Variants in GNAI2 observed in about 807,000 individuals in gnomAD.
GNAI2 encodes G protein subunit alpha i2.
In GNAI2, 4 loss-of-function variants were observed where a neutral mutation model predicts 36.8. The ratio of observed to expected loss-of-function variants is 0.11; its 90% CI spans 0.05 to 0.25. The LOEUF is 0.25. Ranked by LOEUF, GNAI2 falls within the 10% of genes least tolerant of loss-of-function variation. The pLI is 1.00. For synonymous variants in GNAI2, 194 were observed against 194.1 expected, an observed-to-expected ratio of 1.00 and a Z score of 0.01; for missense variants, 230 against 481.3, an observed-to-expected ratio of 0.48 and a Z score of 4.89.
At chr3:50,236,050 C>A (rs1183510413), upstream of GNAI2, 2 of 376,316 alleles carry the variant, frequency 5.3e-6, no homozygotes. This position sits in a 1 kb window ranked among gnomAD's most constrained non-coding sequence, Gnocchi z 4.0. Context: ...CTAACTTCCC[C>A]CTTCGCTCCG....
chr3:50,257,453 C>A, intron 7 of GNAI2, 47 bp from the exon 8 acceptor site: 1 of 1,362,388 alleles, frequency 7.3e-7, no homozygotes, highest in Non-Finnish European at 1.0e-6. Flanking sequence ...TAGGATGCGG[C>A]CTGCCTGCCA....
At chr3:50,256,530 A>T (rs1700707878) in intron 5 of GNAI2, 193 bp from the exon 6 acceptor site, 1 of 711,116 alleles carries the variant, frequency 1.4e-6, no homozygotes, top group African/African-American at 1.8e-5. Flanking sequence ...CTCCTGCCTG[A>T]TGTGGCTGCA....
chr3:50,236,581 G>A lies in GNAI2; in HGVS notation c.118+128G>A. ...GTCTGGGACCCCACACCTGGGCCAG[G>A]ACCAGGGTTGAAAACTCTAGATTGG... is the stretch of plus-strand genomic sequence containing the variant. On this transcript the variant is annotated intron_variant, in intron 1 of 8. Coordinates refer to ENST00000313601, the MANE Select transcript of GNAI2 (RefSeq NM_002070.4). The surrounding 1 kb of genome is among the most constrained non-coding windows in gnomAD (Gnocchi z 4.0). 7.6e-7 allele frequency: 1 copy of A among 1,309,058 alleles called. No homozygotes were observed. Among genetic ancestry groups the A allele is most frequent in the Non-Finnish European group, 1.0e-6 (1 of 991,052 alleles). 81.1% of individuals were successfully genotyped at this position (1,309,058 alleles called of 1,614,324 possible).
upstream of GNAI2, among the ~76,000 whole-genome samples, chr3:50,234,772 A>G (rs1489282413): frequency 2.0e-5 from 3 of 152,294 alleles, no homozygotes; most frequent in South Asian, 2.1e-4. Context: ...GCCTCATGGC[A>G]CTGGGGTCAC....
chr3:50,245,953 G>A (rs1314793562), intron 1 of GNAI2, among the ~76,000 whole-genome samples: 14 of 152,240 alleles, frequency 9.2e-5, no homozygotes, highest in Non-Finnish European at 1.6e-4. Flanking sequence ...GGAGGGAGGT[G>A]TGGAGTCTGT....
upstream of GNAI2, among the ~76,000 whole-genome samples, chr3:50,234,062 ATTTT>A (rs782209651): frequency 1.2e-5 from 1 of 82,496 alleles, no homozygotes. Flanking sequence ...CGCCCAGCTG[ATTTT>A]TTTTTTTTTT....
At chr3:50,230,924 G>A (rs1053728151) in exon 1 of GNAI2, 36 of 985,236 alleles carry the variant, frequency 3.7e-5, no homozygotes, top group Admixed American at 1.2e-4. Context: ...AGATGCCCAC[G>A]ATGTACCTCA....
upstream of GNAI2, among the ~76,000 whole-genome samples, chr3:50,232,095 C>T (rs587596323): frequency 3.3e-5 from 5 of 151,728 alleles, no homozygotes; most frequent in South Asian, 2.1e-4. Flanking sequence ...TTTGGGAGGC[C>T]GAGGCAGGCA....
chr3:50,240,605 A>ATTTTTTTTTT, intron 1 of GNAI2, among the ~76,000 whole-genome samples: 1 of 152,250 alleles, frequency 6.6e-6, no homozygotes, highest in East Asian at 1.9e-4. Context: ...AGTCTACCAA[A>ATTTTTTTTTT]GCTTGGAGGT....
Position 50,257,684 on chromosome 3 carries a change from C to T in GNAI2, c.1062C>T (p.Leu354=). ...AGAACAACCTGAAGGACTGCGGCCT[C>T]TTCTGAGGGGCAGCGGGGCCTGGCG... ...IIKNNLKDCG[L]F The change falls in exon 8 of 9, where the codon CTC becomes CTT. Residue 354 remains leucine, a synonymous_variant. Coordinates refer to ENST00000313601, the MANE Select transcript of GNAI2 (RefSeq NM_002070.4). 1 of 1,558,554 alleles carries T rather than the reference C, an allele frequency of 6.4e-7. No individual in the cohort carries two copies. The highest frequency in any genetic ancestry group is 8.7e-7 in the Non-Finnish European group (1 of 1,147,688).
exon 1 of GNAI2, chr3:50,230,800 G>C (rs1245743026): frequency 1.0e-6 from 1 of 985,252 alleles, no homozygotes; most frequent in African/African-American, 1.7e-5. Context: ...GGTGGGCATG[G>C]GGTCAAGTCA....
intron 4 of GNAI2, 59 bp from the exon 5 acceptor site, chr3:50,256,133 G>C: frequency 1.1e-6 from 1 of 949,760 alleles, no homozygotes; most frequent in Non-Finnish European, 1.6e-6. Flanking sequence ...GCTGGCCCAG[G>C]GTCCAGCTAA....
At chr3:50,249,517 C>G (rs2109204626) in intron 1 of GNAI2, among the ~76,000 whole-genome samples, 1 of 152,200 alleles carries the variant, frequency 6.6e-6, no homozygotes, top group Admixed American at 6.5e-5. Flanking sequence ...CGGTACACAC[C>G]CCAGTGAAGA....
In GNAI2 at chr3:50,253,248, G is replaced by A. The variant is rs1296815430; in HGVS notation, c.464+64G>A. On this transcript the variant is annotated intron_variant, in intron 4 of 8. Coordinates refer to ENST00000313601, the MANE Select transcript of GNAI2 (RefSeq NM_002070.4). This position sits in a 1 kb window ranked among gnomAD's most constrained non-coding sequence, Gnocchi z 4.2. ...CTGGGGGAGGACTAAAGGCTGGACCGGAGGGCCTGAGAACCCCCAGAAGGA... is the reference window on the plus strand; with the variant it reads ...CTGGGGGAGGACTAAAGGCTGGACCAGAGGGCCTGAGAACCCCCAGAAGGA... The A allele has an allele frequency of 7.4e-6, 10 of 1,360,230 alleles. No homozygotes were observed. Among genetic ancestry groups the A allele is most frequent in the Admixed American group, 1.9e-5 (1 of 52,756 alleles). The allele number at this position is 1,360,230 out of a possible 1,614,324, so 84.3% of individuals were successfully genotyped here.
At chr3:50,246,834 A>G (rs1553701831) in intron 1 of GNAI2, 1 of 1,218,854 alleles carries the variant, frequency 8.2e-7, no homozygotes, top group Non-Finnish European at 1.1e-6. Context: ...CCAGCTGTGT[A>G]GGAGTGCCGG....
rs587721393 is a variant in GNAI2 at position 50,250,798 on chromosome 3, C to T, written c.119-1302C>T. ...TCTGGCTCTGTTGTCTGGGATGGGA[C>T]CTGGGAGTCTGCTTTTTTTTTTTTT... On this transcript the variant is annotated intron_variant, in intron 1 of 8. Coordinates refer to ENST00000313601, the MANE Select transcript of GNAI2 (RefSeq NM_002070.4). 9.0e-4 allele frequency among the ~76,000 whole-genome samples: 136 copies of T among 151,412 alleles called. 2 individuals carry two copies. The highest frequency in any genetic ancestry group is 8.4e-4 in the Non-Finnish European group (57 of 67,832).
intron 1 of GNAI2, among the ~76,000 whole-genome samples, chr3:50,251,105 C>T (rs1249299586): frequency 1.3e-5 from 2 of 152,196 alleles, no homozygotes; most frequent in Non-Finnish European, 2.9e-5. Flanking sequence ...GCCACCACTC[C>T]CGGCGGAATC....
chr3:50,250,559 G>C (rs1700529310), intron 1 of GNAI2, among the ~76,000 whole-genome samples: 2 of 152,308 alleles, frequency 1.3e-5, no homozygotes, highest in Admixed American at 1.3e-4. Flanking sequence ...GGCAGTGATG[G>C]AGCAGGAGCA....
chr3:50,255,305 C>T lies in GNAI2; in HGVS notation c.465-887C>T, dbSNP rs1270577966. ...CAGAGGCAGGCCCTGCAGGGGTAGCCTTGATACTAATTAAGGGAACTGGTA... is the reference window on the plus strand; with the variant it reads ...CAGAGGCAGGCCCTGCAGGGGTAGCTTTGATACTAATTAAGGGAACTGGTA... On this transcript the variant is annotated intron_variant, in intron 4 of 8. Coordinates refer to ENST00000313601, the MANE Select transcript of GNAI2 (RefSeq NM_002070.4). This position sits in a 1 kb window ranked among gnomAD's most constrained non-coding sequence, Gnocchi z 4.0. 2.6e-5 allele frequency among the ~76,000 whole-genome samples: 4 copies of T among 152,126 alleles called. No individual in the cohort carries two copies. Among genetic ancestry groups the T allele is most frequent in the Admixed American group, 6.5e-5 (1 of 15,280 alleles).
Sources: gnomAD v4.1 joint callset for allele counts (sites outside exome capture counted in the v4.1 genomes callset) on GRCh38, gnomAD v4.1.1 for gene constraint, Gnocchi (gnomAD v3.1) non-coding constraint, MANE v1.5 for transcripts, NCBI Gene and HGNC (gene_info 2026-07-23, HGNC 2026-07-21) for gene names.